LGR5: variants seen among roughly 807,000 people sequenced by gnomAD.
LGR5 encodes the protein leucine-rich repeat-containing G protein-coupled receptor 5.
Under a neutral mutation model 76.7 loss-of-function variants are expected in LGR5, and 54 were observed. The ratio of observed to expected loss-of-function variants is 0.70; its 90% CI spans 0.57 to 0.88. The LOEUF is 0.88. LGR5 is among the 40% of genes least tolerant of loss of function. LGR5 has a pLI of 0.00. For missense variants in LGR5, 1,078 were observed against 1,073.3 expected, an observed-to-expected ratio of 1.00 and a Z score of -0.06; for synonymous variants, 406 against 421.9, an observed-to-expected ratio of 0.96 and a Z score of 0.46.
intron 4 of LGR5, among the ~76,000 whole-genome samples, chr12:71,545,982 A>G (rs1446079575): frequency 6.6e-6 from 1 of 152,200 alleles, no homozygotes; most frequent in Non-Finnish European, 1.5e-5. Context: ...AACTTTAAAC[A>G]CAAAGAAAAT....
chr12:71,557,020 C>A (rs1394506497), intron 6 of LGR5, among the ~76,000 whole-genome samples: 1 of 152,176 alleles, frequency 6.6e-6, no homozygotes, highest in Admixed American at 6.5e-5. Context: ...TCTGGTACTC[C>A]CTGCTGAATG....
At chr12:71,552,217 G>A (rs1290352858) in intron 4 of LGR5, among the ~76,000 whole-genome samples, 2 of 151,940 alleles carry the variant, frequency 1.3e-5, no homozygotes, top group Non-Finnish European at 1.5e-5. Flanking sequence ...AAACCTGCAT[G>A]TTCTGCACGT....
intron 13 of LGR5, among the ~76,000 whole-genome samples, chr12:71,573,508 G>C (rs1878709221): frequency 1.3e-5 from 2 of 150,464 alleles, no homozygotes; most frequent in South Asian, 4.4e-4. Context: ...TCCATTTTAT[G>C]ATTGAAATGT....
In LGR5 at chr12:71,559,604, C is replaced by A. The variant is rs1877955932; in HGVS notation, c.735C>A (p.Asn245Lys). ...TTTTCAGAGATTTAAATTACAATAA[C>A]CTTGATGAATTCCCCACTGCAATTA... ...SLETLDLNYN[N>K]LDEFPTAIRT... The change falls in exon 7 of 18, where the codon AAC becomes AAA. Residue 245 changes from asparagine to lysine, a missense_variant. Transcript: ENST00000266674. 5 of 1,571,644 alleles carry A rather than the reference C, an allele frequency of 3.2e-6. No homozygotes were observed. The highest frequency in any genetic ancestry group is 4.4e-6 in the Non-Finnish European group (5 of 1,141,982).
At chr12:71,459,382 A>G (rs887242124) in intron 1 of LGR5, among the ~76,000 whole-genome samples, 4 of 152,144 alleles carry the variant, frequency 2.6e-5, no homozygotes, top group African/African-American at 9.6e-5. Context: ...GAGCCTGTAC[A>G]TTTTTCCTGC....
intron 1 of LGR5, among the ~76,000 whole-genome samples, chr12:71,445,041 CAG>C (rs773291294): frequency 4.6e-5 from 7 of 152,200 alleles, no homozygotes; most frequent in Non-Finnish European, 8.8e-5. Context: ...GGCCATAAGA[CAG>C]AAATGAAAAA....
intron 1 of LGR5, among the ~76,000 whole-genome samples, chr12:71,497,643 G>A (rs1230646258): frequency 2.0e-5 from 3 of 152,132 alleles, no homozygotes; most frequent in South Asian, 2.1e-4. Context: ...AAAAGTGATC[G>A]ATTAAAAAGT....
chr12:71,524,273 C>T, intron 2 of LGR5, 133 bp from the exon 3 acceptor site: 1 of 610,948 alleles, frequency 1.6e-6, no homozygotes. Context: ...CAAAATATAA[C>T]AAAACAAAGT....
At chr12:71,573,296 G>T (rs909898215) in intron 13 of LGR5, among the ~76,000 whole-genome samples, 6 of 151,816 alleles carry the variant, frequency 4.0e-5, no homozygotes, top group Non-Finnish European at 8.8e-5. Flanking sequence ...TTTTTTCAAC[G>T]TGTGTCTCAA....
intron 15 of LGR5, among the ~76,000 whole-genome samples, chr12:71,579,388 T>A (rs1878996802): frequency 6.6e-6 from 1 of 152,236 alleles, no homozygotes; most frequent in African/African-American, 2.4e-5. Context: ...GATTATGTAT[T>A]TTTTAACCCA....
intron 11 of LGR5, chr12:71,567,287 A>C: frequency 5.0e-6 from 1 of 201,368 alleles, no homozygotes; most frequent in Admixed American, 5.5e-5. Context: ...AAAAACTGAG[A>C]TCTCAGATCC....
chr12:71,533,052 A>G (rs1283961590), intron 3 of LGR5, among the ~76,000 whole-genome samples: 2 of 152,116 alleles, frequency 1.3e-5, no homozygotes, highest in African/African-American at 4.8e-5. Context: ...AAATAAATAC[A>G]TAGGCTGGGC....
In LGR5 at chr12:71,556,607, G is replaced by A. The variant is rs1372613658; in HGVS notation, c.645-12G>A. 1.3e-6 allele frequency: 2 copies of A among 1,578,762 alleles called. No individual in the cohort carries two copies. The highest frequency in any genetic ancestry group is 1.1e-5 in the South Asian group (1 of 90,334). On this transcript the variant is annotated splice_polypyrimidine_tract_variant and intron_variant, in intron 5 of 17. Coordinates refer to ENST00000266674, the MANE Select transcript of LGR5 (RefSeq NM_003667.4). ...GTGTGCCTTCCTAACTATCTGTAAT[G>A]TTCTACTGCAGACATCTCCATAACA...
intron 1 of LGR5, among the ~76,000 whole-genome samples, chr12:71,477,450 ATATAT>A (rs551661595): frequency 1.3e-5 from 2 of 149,338 alleles, no homozygotes; most frequent in Non-Finnish European, 3.0e-5. Flanking sequence ...ATAATATAAT[ATATAT>A]TATATGTGAT....
At chr12:71,560,128 G>A (rs1237259367) in intron 7 of LGR5, among the ~76,000 whole-genome samples, 2 of 152,080 alleles carry the variant, frequency 1.3e-5, no homozygotes, top group African/African-American at 2.4e-5. Context: ...AACAACTAGG[G>A]GTTAGGGACA....
Position 71,584,425 on chromosome 12 carries a change from T to G in LGR5, c.2415T>G (p.Leu805=). The change falls in exon 18 of 18, where the codon CTT becomes CTG. Residue 805 remains leucine (L), a synonymous_variant. Coordinates refer to ENST00000266674, the MANE Select transcript of LGR5 (RefSeq NM_003667.4). The stretch of plus-strand genomic sequence containing the variant: ...GTCCTGAAGTAATTAAGTTTATCCT[T>G]CTGGTGGTAGTCCCACTTCCTGCAT... ...FISPEVIKFI[L]LVVVPLPACL... The G allele has an allele frequency of 2.5e-6, 4 of 1,614,080 alleles. No individual in the cohort carries two copies. The highest frequency in any genetic ancestry group is 2.2e-5 in the South Asian group (2 of 91,078).
chr12:71,479,167 G>T (rs1366427098), intron 1 of LGR5, among the ~76,000 whole-genome samples: 1 of 152,010 alleles, frequency 6.6e-6, no homozygotes, highest in Non-Finnish European at 1.5e-5. Context: ...TCTATGAGTT[G>T]TTCATTAATG....
chr12:71,540,592 A>G (rs1186849417), intron 4 of LGR5, among the ~76,000 whole-genome samples: 1 of 152,162 alleles, frequency 6.6e-6, no homozygotes, highest in Non-Finnish European at 1.5e-5. Context: ...CGGATTCTGC[A>G]TGGTAATCTT....
At chr12:71,507,338 A>G (rs1305013757) in intron 2 of LGR5, among the ~76,000 whole-genome samples, 1 of 152,096 alleles carries the variant, frequency 6.6e-6, no homozygotes, top group Non-Finnish European at 1.5e-5. Context: ...AATAGCACCT[A>G]GCACTGTGAT....
Sources: gnomAD v4.1 joint callset for allele counts (sites outside exome capture counted in the v4.1 genomes callset) on GRCh38, gnomAD v4.1.1 for gene constraint, MANE v1.5 for transcripts, NCBI Gene and HGNC (gene_info 2026-07-23, HGNC 2026-07-21) for gene names.